Variants in SLC9A1 observed in about 807,000 individuals in gnomAD.
The protein encoded by SLC9A1 is solute carrier family 9 member A1.
A neutral mutation model predicts 67.9 loss-of-function variants in SLC9A1; 22 were observed. The observed-to-expected ratio is 0.32, with a 90% CI of 0.23 to 0.46. The LOEUF is 0.46. SLC9A1 is among the 20% of genes least tolerant of loss of function. SLC9A1 has a pLI of 1.00. For synonymous variants in SLC9A1, 421 were observed against 471.8 expected (o/e 0.89, Z 1.40); for missense variants, 686 against 1,094.8 (o/e 0.63, Z 5.27).
chr1:27,100,541 C>T lies in SLC9A1; in HGVS notation c.2214G>A (p.Lys738=), dbSNP rs138292060. The T allele has an allele frequency of 3.1e-6, 5 of 1,614,080 alleles. No individual in the cohort carries two copies. In the African/African-American group the frequency reaches 6.7e-5, roughly 22 times the overall value. Residue 738 remains lysine, a synonymous_variant, in exon 12 of 12, where the codon AAG becomes AAA. Transcript: ENST00000263980. The surrounding 1 kb of genome is among the most constrained non-coding windows in gnomAD (Gnocchi z 5.6). ...ESVDLVNEEL[K]GKVLGLSRDP... ...CCCGGCTCAACCCTAAGACTTTGCCCTTCAGCTCTTCATTCACCAGGTCCA... is the reference window on the plus strand; with the variant it reads ...CCCGGCTCAACCCTAAGACTTTGCCTTTCAGCTCTTCATTCACCAGGTCCA...
intron 1 of SLC9A1, among the ~76,000 whole-genome samples, chr1:27,131,941 A>G (rs866058051): frequency 3.8e-4 from 27 of 70,488 alleles, no homozygotes; most frequent in African/African-American, 1.3e-3. Flanking sequence ...AGAAGAAGAA[A>G]AAAAAAATAT....
intron 1 of SLC9A1, among the ~76,000 whole-genome samples, chr1:27,125,004 C>T (rs535383205): frequency 6.6e-6 from 1 of 152,142 alleles, no homozygotes; most frequent in African/African-American, 2.4e-5. Context: ...GTCCCCAAAC[C>T]TGCTCCTCAG....
Position 27,109,898 on chromosome 1 carries a change from G to A in SLC9A1, c.814-121C>T, listed in dbSNP as rs903033813. The A allele has an allele frequency of 9.5e-6, 11 of 1,161,370 alleles. No homozygotes were observed. The highest frequency in any genetic ancestry group is 6.2e-5 in the African/African-American group (4 of 64,882). 71.9% of individuals were successfully genotyped at this position (1,161,370 alleles called of 1,614,324 possible). A position where few individuals can be genotyped will look rare whatever the true frequency, so the allele number is the denominator to read the frequency against. On this transcript the variant is annotated intron_variant, in intron 2 of 11. Coordinates refer to ENST00000263980, the MANE Select transcript of SLC9A1 (RefSeq NM_003047.5). The surrounding 1 kb of genome is among the most constrained non-coding windows in gnomAD (Gnocchi z 5.5). ...CCATGGCCACAAGAAGAGGCCACAC[G>A]GTAGCAGAGAAACCCTAGTGCCAAG...
At position 27,146,906 on chromosome 1, in the gene SLC9A1, C is replaced by T. The variant is rs144750860; in HGVS notation, c.352+7077G>A. Among the ~76,000 whole-genome samples, 859 of 152,268 alleles carry T rather than the reference C, an allele frequency of 5.6e-3. 6 individuals carry two copies. The highest frequency in any genetic ancestry group is 0.016 in the African/African-American group (679 of 41,536). ...ATCCCAGCACTTTGGGGGGCCGGGACGGGCAGATCGCCTGAGGTCAGGAGT... is the reference window on the plus strand; with the variant it reads ...ATCCCAGCACTTTGGGGGGCCGGGATGGGCAGATCGCCTGAGGTCAGGAGT... On this transcript the variant is annotated intron_variant, in intron 1 of 11. Coordinates refer to ENST00000263980, the MANE Select transcript of SLC9A1 (RefSeq NM_003047.5).
rs2083208912 is a variant in SLC9A1, at chr1:27,109,008, T to C, written c.1064+519A>G. Reference sequence around the variant, plus strand: ...AGCCAGGGGCTCTGAACCCCAGTTCTGCCTTGCTCGGCACTGGAACACCTT... The same window carrying C: ...AGCCAGGGGCTCTGAACCCCAGTTCCGCCTTGCTCGGCACTGGAACACCTT... On this transcript the variant is annotated intron_variant, in intron 3 of 11. Transcript: ENST00000263980. The surrounding 1 kb of genome is among the most constrained non-coding windows in gnomAD (Gnocchi z 5.5). 6.6e-6 allele frequency among the ~76,000 whole-genome samples: 1 copy of C among 152,176 alleles called. No individual in the cohort carries two copies. Among genetic ancestry groups the C allele is most frequent in the African/African-American group, 2.4e-5 (1 of 41,450 alleles).
At chr1:27,149,202 C>T (rs1366239915) in intron 1 of SLC9A1, among the ~76,000 whole-genome samples, 6 of 152,190 alleles carry the variant, frequency 3.9e-5, no homozygotes, top group East Asian at 3.9e-4. Flanking sequence ...GTGAGCTGGG[C>T]GCTTCTCAGT....
Position 27,100,827 on chromosome 1 carries a change from GC to G in SLC9A1, c.2111-184del, listed in dbSNP as rs1221410171. 6.6e-6 allele frequency among the ~76,000 whole-genome samples: 1 copy of G among 152,178 alleles called. No homozygotes were observed. Among genetic ancestry groups the G allele is most frequent in the Non-Finnish European group, 1.5e-5 (1 of 68,012 alleles). ...CACAGCTTCTCTTCCTCAGACTGTG[GC>G]CCTCTCCTTTGACAGGGGCTCCCAG... On this transcript the variant is annotated intron_variant, in intron 11 of 11. Coordinates refer to ENST00000263980, the MANE Select transcript of SLC9A1 (RefSeq NM_003047.5). The surrounding 1 kb of genome is among the most constrained non-coding windows in gnomAD (Gnocchi z 5.6).
chr1:27,126,685 T>G, intron 1 of SLC9A1, among the ~76,000 whole-genome samples: 1 of 152,246 alleles, frequency 6.6e-6, no homozygotes, highest in East Asian at 1.9e-4. Flanking sequence ...TATTCATCTT[T>G]GACTCTCTAG....
intron 1 of SLC9A1, among the ~76,000 whole-genome samples, chr1:27,134,983 T>A (rs973635491): frequency 6.6e-6 from 1 of 151,932 alleles, no homozygotes; most frequent in Admixed American, 6.6e-5. Flanking sequence ...GTGATCTGCC[T>A]GCCTCGGCTC....
chr1:27,148,295 G>A (rs2083503162), intron 1 of SLC9A1, among the ~76,000 whole-genome samples: 1 of 152,108 alleles, frequency 6.6e-6, no homozygotes, highest in Non-Finnish European at 1.5e-5. Context: ...TGCAAATACA[G>A]GTATGTTCAA....
intron 1 of SLC9A1, among the ~76,000 whole-genome samples, chr1:27,116,014 T>G (rs1342906625): frequency 6.6e-6 from 1 of 152,128 alleles, no homozygotes; most frequent in South Asian, 2.1e-4. Flanking sequence ...CCCAAAGCCC[T>G]TCCTACTCTC....
intron 1 of SLC9A1, among the ~76,000 whole-genome samples, chr1:27,144,152 C>G (rs1309101246): frequency 6.6e-6 from 1 of 152,190 alleles, no homozygotes; most frequent in African/African-American, 2.4e-5. Context: ...GTAAATCTGT[C>G]CAGGTACAAC....
intron 1 of SLC9A1, among the ~76,000 whole-genome samples, chr1:27,119,757 G>A (rs537002579): frequency 6.6e-6 from 1 of 152,278 alleles, no homozygotes; most frequent in South Asian, 2.1e-4. Context: ...TGTGTTCTTG[G>A]CCACTCACTG....
At chr1:27,139,709 T>C (rs1172926324) in intron 1 of SLC9A1, among the ~76,000 whole-genome samples, 6 of 151,950 alleles carry the variant, frequency 3.9e-5, no homozygotes, top group Admixed American at 3.9e-4. Context: ...CAAAGGTCAA[T>C]GGTTCTGCAT....
At chr1:27,108,995 T>C (rs539375555) in intron 3 of SLC9A1, among the ~76,000 whole-genome samples, 1 of 152,272 alleles carries the variant, frequency 6.6e-6, no homozygotes, top group Admixed American at 6.5e-5. Flanking sequence ...CCAGGGGCTC[T>C]GAACCCCAGT....
intron 8 of SLC9A1, 25 bp from the exon 9 acceptor site, chr1:27,102,155 G>T (rs753476719): frequency 1.3e-6 from 2 of 1,577,034 alleles, no homozygotes; most frequent in Non-Finnish European, 1.7e-6. Flanking sequence ...CATCGGTTAG[G>T]TCCCCAAGAT....
At chr1:27,104,485 T>C (rs2083170627) in intron 5 of SLC9A1, among the ~76,000 whole-genome samples, 1 of 152,168 alleles carries the variant, frequency 6.6e-6, no homozygotes, top group Non-Finnish European at 1.5e-5. Context: ...TCTCCTGGGC[T>C]CAAGCTATCC....
chr1:27,125,926 T>C (rs149413660), intron 1 of SLC9A1, among the ~76,000 whole-genome samples: 2 of 152,254 alleles, frequency 1.3e-5, no homozygotes, highest in African/African-American at 4.8e-5. Context: ...GACATACTAC[T>C]GAAAGGCAGG....
intron 5 of SLC9A1, chr1:27,105,473 T>G: frequency 2.0e-6 from 1 of 512,166 alleles, no homozygotes; most frequent in Non-Finnish European, 3.5e-6. Context: ...TAATTTTGTA[T>G]TTTTAGTAGA....
Sources: allele counts gnomAD v4.1 joint callset (sites outside exome capture counted in the v4.1 genomes callset), GRCh38; gene constraint gnomAD v4.1.1; non-coding constraint Gnocchi (gnomAD v3.1); transcripts MANE v1.5; gene names NCBI Gene and HGNC (gene_info 2026-07-23, HGNC 2026-07-21).